GPR107: variants seen among roughly 807,000 people sequenced by gnomAD.
The protein encoded by GPR107 is protein GPR107.
GPR107 carries 31 observed loss-of-function variants against 75.5 expected under a neutral mutation model. The ratio of observed to expected loss-of-function variants is 0.41; its 90% CI spans 0.31 to 0.55. The LOEUF is 0.55. GPR107 is among the 20% of genes least tolerant of loss of function. The pLI is 0.26. For synonymous variants in GPR107, 267 were observed against 251.3 expected (o/e 1.06, Z -0.59); for missense variants, 572 against 665.7 (o/e 0.86, Z 1.55).
intron 1 of GPR107, among the ~76,000 whole-genome samples, chr9:130,071,042 T>C (rs1830195616): frequency 7.0e-6 from 1 of 142,914 alleles, no homozygotes; most frequent in Admixed American, 7.1e-5. Context: ...TTTCTTTTTT[T>C]TTTTTTTTTT....
In GPR107 at chr9:130,123,419, G is replaced by A. The variant is rs190529126; in HGVS notation, c.1307-1496G>A. Among the ~76,000 whole-genome samples the A allele has an allele frequency of 2.4e-3, 372 of 152,060 alleles. 4 individuals carry two copies. Among genetic ancestry groups the A allele is most frequent in the South Asian group, 0.011 (52 of 4,814 alleles). Reference sequence around the variant, plus strand: ...GGGTTTCACCATCTTGGCCAGGCTGGTCTTGAACTCCTGACCTCATGATCC... The same window carrying A: ...GGGTTTCACCATCTTGGCCAGGCTGATCTTGAACTCCTGACCTCATGATCC... On this transcript the variant is annotated intron_variant, in intron 14 of 17. Coordinates refer to ENST00000347136, the MANE Select transcript of GPR107 (RefSeq NM_020960.5).
intron 14 of GPR107, among the ~76,000 whole-genome samples, chr9:130,120,473 C>T (rs1233254347): frequency 6.6e-6 from 1 of 152,134 alleles, no homozygotes; most frequent in Non-Finnish European, 1.5e-5. Context: ...TCTCTCAGTC[C>T]CCTCCCCATC....
At chr9:130,128,226 C>G (rs777787143) in intron 16 of GPR107, among the ~76,000 whole-genome samples, 1 of 152,228 alleles carries the variant, frequency 6.6e-6, no homozygotes, top group Admixed American at 6.5e-5. Context: ...AGAATTCAGG[C>G]TGCCCTTCTT....
At chr9:130,123,095 A>G (rs1831589111) in intron 14 of GPR107, among the ~76,000 whole-genome samples, 1 of 152,130 alleles carries the variant, frequency 6.6e-6, no homozygotes, top group East Asian at 1.9e-4. Context: ...CCCAGCCTGG[A>G]GTGCAGTGGC....
intron 14 of GPR107, among the ~76,000 whole-genome samples, chr9:130,111,277 G>A (rs1417084670): frequency 6.6e-6 from 1 of 152,078 alleles, no homozygotes; most frequent in East Asian, 2.0e-4. Flanking sequence ...ACCAGCCTGG[G>A]TGACATAATA....
chr9:130,111,914 G>A (rs888993503), intron 14 of GPR107, among the ~76,000 whole-genome samples: 2 of 152,134 alleles, frequency 1.3e-5, no homozygotes, highest in African/African-American at 4.8e-5. Flanking sequence ...GAGACTCACA[G>A]CTGCACTGCA....
Position 130,068,647 on chromosome 9 carries a change from G to A in GPR107, c.142-6989G>A, listed in dbSNP as rs368259174. Among the ~76,000 whole-genome samples, 53 of 152,080 alleles carry A rather than the reference G, an allele frequency of 3.5e-4. No homozygotes were observed. The East Asian group carries it at 7.9e-3, about 23-fold the overall frequency. Reference sequence around the variant, plus strand: ...AGTTTAATATGAAGTCGGTGCAGAAGTTCTGACATTTAGTTAAAATAGCAG... The same window carrying A: ...AGTTTAATATGAAGTCGGTGCAGAAATTCTGACATTTAGTTAAAATAGCAG... On this transcript the variant is annotated intron_variant, in intron 1 of 17. Coordinates refer to ENST00000347136, the MANE Select transcript of GPR107 (RefSeq NM_020960.5).
Position 130,112,075 on chromosome 9 carries a change from C to T in GPR107, c.1306+4536C>T, listed in dbSNP as rs2132627651. Among the ~76,000 whole-genome samples, 1 of 152,368 alleles carries T rather than the reference C, an allele frequency of 6.6e-6. No individual in the cohort carries two copies. Among genetic ancestry groups the T allele is most frequent in the Non-Finnish European group, 1.5e-5 (1 of 68,032 alleles). On this transcript the variant is annotated intron_variant, in intron 14 of 17. Transcript: ENST00000347136. This position sits in a 1 kb window ranked among gnomAD's most constrained non-coding sequence, Gnocchi z 4.0. ...TCTCCAGTGTCATTACCTTATAGGA[C>T]TGGCGTCGAGATACACACCGTAAAT...
At chr9:130,081,295 T>C (rs1277186387) in intron 5 of GPR107, among the ~76,000 whole-genome samples, 2 of 152,148 alleles carry the variant, frequency 1.3e-5, no homozygotes, top group Admixed American at 1.3e-4. Flanking sequence ...CCCAGCACTT[T>C]GAGAGGCCAA....
intron 16 of GPR107, 38 bp from the exon 17 acceptor site, chr9:130,128,602 C>T: frequency 1.3e-6 from 2 of 1,571,630 alleles, no homozygotes. Context: ...AACAGTGTTG[C>T]TAATCTCTTT....
chr9:130,058,978 T>C (rs1829863401), intron 1 of GPR107, among the ~76,000 whole-genome samples: 1 of 152,178 alleles, frequency 6.6e-6, no homozygotes, highest in Non-Finnish European at 1.5e-5. Context: ...ACGTTCACAT[T>C]GCAAGGCTTT....
At chr9:130,066,138 A>G (rs534283963) in intron 1 of GPR107, among the ~76,000 whole-genome samples, 1 of 152,090 alleles carries the variant, frequency 6.6e-6, no homozygotes, top group East Asian at 1.9e-4. Flanking sequence ...TGTCTCTACT[A>G]AAAATACAAA....
chr9:130,107,078 A>C (rs1296868566), intron 13 of GPR107, among the ~76,000 whole-genome samples: 1 of 152,152 alleles, frequency 6.6e-6, no homozygotes, highest in East Asian at 1.9e-4. Flanking sequence ...GTATGTTCAC[A>C]GCTCTTAGAC....
At chr9:130,075,794 T>TTC (rs2132560599) in intron 2 of GPR107, 45 bp downstream of exon 2, 1 of 1,024,000 alleles carries the variant, frequency 9.8e-7, no homozygotes, top group East Asian at 2.5e-5. Flanking sequence ...CTTTTTTTTT[T>TTC]TTTTTTGAGA....
rs748321258 is a variant in GPR107 at position 130,101,162 on chromosome 9, T to C, written c.1070T>C (p.Phe357Ser). The C allele has an allele frequency of 1.2e-6, 2 of 1,610,320 alleles. No individual in the cohort carries two copies. Among genetic ancestry groups the C allele is most frequent in the Non-Finnish European group, 1.7e-6 (2 of 1,176,592 alleles). ...TIALIGTGWA[F>S]IKHILSDKDK... ...GCACTCATTGGCACTGGCTGGGCTT[T>C]CATTAAGCACATCCTTTCTGATAAA... Residue 357 changes from phenylalanine to serine, a missense_variant, in exon 12 of 18, where the codon TTC becomes TCC. Transcript: ENST00000347136.
intron 14 of GPR107, among the ~76,000 whole-genome samples, chr9:130,120,311 C>T (rs1281782792): frequency 6.6e-6 from 1 of 152,174 alleles, no homozygotes; most frequent in East Asian, 1.9e-4. Context: ...GCCCACCTCC[C>T]TTCAGAGGGT....
intron 10 of GPR107, among the ~76,000 whole-genome samples, 159 bp from the exon 11 acceptor site, chr9:130,100,470 T>G (rs1459321456): frequency 1.3e-5 from 2 of 152,246 alleles, no homozygotes; most frequent in Non-Finnish European, 2.9e-5. Flanking sequence ...TTTGCTGTAC[T>G]TGAAAGTGGC....
chr9:130,086,575 T>G (rs1434909426), intron 7 of GPR107, 99 bp downstream of exon 7: 1 of 758,758 alleles, frequency 1.3e-6, no homozygotes, highest in Non-Finnish European at 2.4e-6. Context: ...AATAACAACT[T>G]AGGTATGCCC....
At chr9:130,054,639 G>A (rs192084422) in intron 1 of GPR107, among the ~76,000 whole-genome samples, 232 of 152,308 alleles carry the variant, frequency 1.5e-3, no homozygotes, top group African/African-American at 5.2e-3. Context: ...CAAAGGGCCT[G>A]CTTTTTCTTC....
Sources: gnomAD v4.1 joint callset for allele counts (sites outside exome capture counted in the v4.1 genomes callset) on GRCh38, gnomAD v4.1.1 for gene constraint, Gnocchi (gnomAD v3.1) non-coding constraint, MANE v1.5 for transcripts, NCBI Gene and HGNC (gene_info 2026-07-23, HGNC 2026-07-21) for gene names.